Variants in SV2C observed in about 807,000 individuals in gnomAD.
SV2C encodes synaptic vesicle glycoprotein 2C.
SV2C carries 49 observed loss-of-function variants against 79.7 expected under a neutral mutation model. That is an observed-to-expected ratio of 0.61 (90% CI 0.49 to 0.78). The LOEUF (loss-of-function observed/expected upper bound fraction) is 0.78, where lower values mean the gene tolerates loss of function less well. Among genes scored for constraint, SV2C ranks in the 30% least tolerant of loss-of-function variants. The pLI, the probability that SV2C is intolerant of heterozygous loss-of-function variation, is 0.00. For missense variants in SV2C, 833 were observed against 912.9 expected, an observed-to-expected ratio of 0.91 and a Z score of 1.13; for synonymous variants, 334 against 333.2, an observed-to-expected ratio of 1.00 and a Z score of -0.03.
rs1274921566 is a variant in SV2C, at chr5:76,332,513, T to C, written c.*6966T>C. 1.3e-5 allele frequency: 2 copies of C among 152,192 alleles called. No homozygotes were observed. Among genetic ancestry groups the C allele is most frequent in the African/African-American group, 2.4e-5 (1 of 41,434 alleles). The allele number at this position is 152,192 out of a possible 1,614,324, so 9.4% of individuals were successfully genotyped here. A position where few individuals can be genotyped will look rare whatever the true frequency, so the allele number is the denominator to read the frequency against. On this transcript the variant is annotated 3_prime_UTR_variant, in exon 13 of 13. Transcript: ENST00000502798. ...TATAGCTAAAAGCAAAGGCAACATA[T>C]AGTCAAAGCTCATCACTTTCTACTT...
intron 2 of SV2C, among the ~76,000 whole-genome samples, chr5:76,147,509 C>T (rs529356056): frequency 6.6e-6 from 1 of 152,346 alleles, no homozygotes; most frequent in African/African-American, 2.4e-5. Context: ...GGGTCCAGAG[C>T]ACTTCAGCAT....
chr5:76,227,936 G>A (rs563532596), intron 4 of SV2C, among the ~76,000 whole-genome samples: 203 of 152,262 alleles, frequency 1.3e-3, no homozygotes, highest in Middle Eastern at 6.8e-3. Flanking sequence ...GCTTACACGC[G>A]GGCCAGCAGA....
chr5:76,096,251 A>G lies in SV2C; in HGVS notation c.-102+12739A>G, dbSNP rs562189315. Among the ~76,000 whole-genome samples the G allele has an allele frequency of 2.6e-5, 4 of 152,174 alleles. No individual in the cohort carries two copies. The East Asian group carries it at 5.8e-4, about 22-fold the overall frequency. ...CCATTGCTTCTTTTTCCTAATATCT[A>G]TCAATTCCATGTCCAACATCATAAA... On this transcript the variant is annotated intron_variant, in intron 1 of 12. Transcript: ENST00000502798.
At chr5:75,876,607 G>A in the SV2C span, among the ~76,000 whole-genome samples, 1 of 152,012 alleles carries the variant, frequency 6.6e-6, no homozygotes, top group Admixed American at 6.6e-5. Context: ...AGATGATAAA[G>A]TAATAATAAC....
the SV2C span, among the ~76,000 whole-genome samples, chr5:76,003,142 T>C: frequency 6.6e-6 from 1 of 152,160 alleles, no homozygotes; most frequent in African/African-American, 2.4e-5. Context: ...AGGACGTCTT[T>C]GCTTCCCCTT....
the SV2C span, chr5:75,910,463 A>G: frequency 1.5e-5 from 9 of 602,670 alleles, no homozygotes; most frequent in South Asian, 1.4e-4. Flanking sequence ...TGCACTAAGG[A>G]AGTTCTTGAG....
intron 2 of SV2C, among the ~76,000 whole-genome samples, chr5:76,177,027 A>G (rs567276804): frequency 6.6e-6 from 1 of 151,366 alleles, no homozygotes; most frequent in South Asian, 2.1e-4. Flanking sequence ...AGGCAGGAGA[A>G]TGGCGTGAAC....
chr5:75,970,869 C>A, the SV2C span, among the ~76,000 whole-genome samples: 6 of 151,756 alleles, frequency 4.0e-5, no homozygotes, highest in South Asian at 2.1e-4. Context: ...GAGACACAAC[C>A]AAAAAAGAGA....
At chr5:76,213,818 C>G (rs2112362514) in intron 4 of SV2C, among the ~76,000 whole-genome samples, 1 of 152,236 alleles carries the variant, frequency 6.6e-6, no homozygotes, top group South Asian at 2.1e-4. Context: ...TATTAGATCT[C>G]CAGAACTTAT....
chr5:76,258,722 A>T (rs1046192224), intron 4 of SV2C, among the ~76,000 whole-genome samples: 5 of 152,204 alleles, frequency 3.3e-5, no homozygotes, highest in Non-Finnish European at 5.9e-5. Context: ...AAGAATCTTA[A>T]GTGTACAGTT....
intron 2 of SV2C, among the ~76,000 whole-genome samples, chr5:76,186,038 G>C (rs1743905572): frequency 6.6e-6 from 1 of 152,142 alleles, no homozygotes; most frequent in Admixed American, 6.5e-5. Flanking sequence ...TATCTCTAGG[G>C]AAGGGGCAAA....
chr5:76,141,221 A>G (rs17651079), intron 2 of SV2C, among the ~76,000 whole-genome samples: 14,792 of 152,228 alleles, frequency 0.097, 912 homozygotes, highest in Non-Finnish European at 0.13. Context: ...AAACTTGCCA[A>G]TAAGTAGCAT....
At chr5:76,207,068 GA>G (rs752831805) in intron 3 of SV2C, among the ~76,000 whole-genome samples, 1 of 151,792 alleles carries the variant, frequency 6.6e-6, no homozygotes, top group Non-Finnish European at 1.5e-5. Context: ...AGATTGCCTA[GA>G]AGCCCCTACA....
the SV2C span, among the ~76,000 whole-genome samples, chr5:76,028,405 T>C: frequency 6.6e-6 from 1 of 152,214 alleles, no homozygotes; most frequent in African/African-American, 2.4e-5. Flanking sequence ...TTCTGGAATT[T>C]TAGTTAATTG....
At chr5:76,352,010 C>T (rs528238752) in intron 12 of SV2C, among the ~76,000 whole-genome samples, 29 of 152,202 alleles carry the variant, frequency 1.9e-4, no homozygotes, top group East Asian at 9.7e-4. Flanking sequence ...GTCAGGAGTT[C>T]GAGACCAGCC....
intron 12 of SV2C, among the ~76,000 whole-genome samples, chr5:76,342,230 G>A (rs949092513): frequency 3.3e-5 from 5 of 152,158 alleles, no homozygotes; most frequent in Admixed American, 6.5e-5. Context: ...GACACAACTC[G>A]TCAAGGCTGC....
At chr5:76,040,774 A>G in the SV2C span, among the ~76,000 whole-genome samples, 15 of 152,198 alleles carry the variant, frequency 9.9e-5, no homozygotes, top group Non-Finnish European at 1.9e-4. Context: ...CAACTCTGTA[A>G]CCTCACAGTG....
At chr5:76,102,018 T>A in intron 1 of SV2C, among the ~76,000 whole-genome samples, 1 of 152,188 alleles carries the variant, frequency 6.6e-6, no homozygotes, top group Non-Finnish European at 1.5e-5. Flanking sequence ...TGGAATAATA[T>A]AACAACTTCC....
chr5:75,894,874 T>C, the SV2C span, among the ~76,000 whole-genome samples: 1 of 152,056 alleles, frequency 6.6e-6, no homozygotes, highest in Non-Finnish European at 1.5e-5. Context: ...ACTTGTGCTC[T>C]CACCTCTAAC....
Sources: gnomAD v4.1 joint callset for allele counts (sites outside exome capture counted in the v4.1 genomes callset) on GRCh38, gnomAD v4.1.1 for gene constraint, MANE v1.5 for transcripts, NCBI Gene and HGNC (gene_info 2026-07-23, HGNC 2026-07-21) for gene names.